The following CAMK1D variants were observed in gnomAD, a reference collection of about 807,000 sequenced individuals.
CAMK1D encodes calcium/calmodulin dependent protein kinase ID.
Under a neutral mutation model 47.7 loss-of-function variants are expected in CAMK1D, and 9 were observed. The ratio of observed to expected loss-of-function variants is 0.19; its 90% confidence interval spans 0.11 to 0.33. CAMK1D has a LOEUF of 0.33. Among genes scored for constraint, CAMK1D ranks in the 10% least tolerant of loss-of-function variants. The pLI, the probability that CAMK1D is intolerant of heterozygous loss-of-function variation, is 1.00. For synonymous variants in CAMK1D, 184 were observed against 184.9 expected (o/e 0.99, Z 0.04); for missense variants, 291 against 488.7 (o/e 0.60, Z 3.81).
rs562635049 is a variant in CAMK1D at position 12,523,773 on chromosome 10, G to A, written c.93-29452G>A. On this transcript the variant is annotated intron_variant, in intron 1 of 10. Transcript: ENST00000619168. Reference sequence around the variant, plus strand: ...AGGGAGACCGTGGGGAGAGGGAGAGGGAGAGGGAGCGGGAGAGGTATATGA... The same window carrying A: ...AGGGAGACCGTGGGGAGAGGGAGAGAGAGAGGGAGCGGGAGAGGTATATGA... Among the ~76,000 whole-genome samples, 14 of 152,250 alleles carry A rather than the reference G, an allele frequency of 9.2e-5. No individual in the cohort carries two copies. The South Asian group carries it at 2.9e-3, about 32-fold the overall frequency.
Position 12,814,310 on chromosome 10 carries a change from A to G in CAMK1D, c.754+3A>G. Reference sequence around the variant, plus strand: ...CTGGGATGACATCTCCGACTCTGGTAGGTCTCCCATAGGCAGCTCCCAGTG... The same window carrying G: ...CTGGGATGACATCTCCGACTCTGGTGGGTCTCCCATAGGCAGCTCCCAGTG... On this transcript the variant is annotated splice_donor_region_variant and intron_variant, in intron 7 of 10. Transcript: ENST00000619168. The G allele has an allele frequency of 1.3e-6, 2 of 1,595,136 alleles. No homozygotes were observed. Among genetic ancestry groups the G allele is most frequent in the South Asian group, 1.1e-5 (1 of 90,648 alleles).
At chr10:12,645,203 T>C (rs1839779791) in intron 2 of CAMK1D, among the ~76,000 whole-genome samples, 1 of 152,198 alleles carries the variant, frequency 6.6e-6, no homozygotes, top group Non-Finnish European at 1.5e-5. Context: ...GGAGCAATCA[T>C]TTATCCCCTA....
intron 1 of CAMK1D, among the ~76,000 whole-genome samples, chr10:12,525,623 T>A (rs1403431367): frequency 2.0e-5 from 3 of 152,250 alleles, no homozygotes; most frequent in Non-Finnish European, 4.4e-5. Flanking sequence ...TTCAACAGTG[T>A]TCCCACTTAC....
intron 1 of CAMK1D, among the ~76,000 whole-genome samples, chr10:12,363,809 C>T (rs914622698): frequency 1.3e-5 from 2 of 151,952 alleles, no homozygotes; most frequent in African/African-American, 4.8e-5. Flanking sequence ...GCTGGGATCA[C>T]AGGTGTGTGC....
At chr10:12,555,437 T>G (rs1836730051) in intron 2 of CAMK1D, among the ~76,000 whole-genome samples, 2 of 152,230 alleles carry the variant, frequency 1.3e-5, no homozygotes, top group Non-Finnish European at 2.9e-5. Context: ...TTTGGTCGTT[T>G]CTAGGTTCTC....
intron 2 of CAMK1D, among the ~76,000 whole-genome samples, chr10:12,582,312 A>G (rs548942749): frequency 6.6e-6 from 1 of 152,322 alleles, no homozygotes; most frequent in South Asian, 2.1e-4. Flanking sequence ...GTTTGAAGTC[A>G]GATAAAATGA....
At chr10:12,797,707 C>A (rs866250753) in intron 6 of CAMK1D, among the ~76,000 whole-genome samples, 6 of 152,214 alleles carry the variant, frequency 3.9e-5, no homozygotes, top group Middle Eastern at 3.4e-3. Flanking sequence ...TCAGAAAGGA[C>A]CTCGTCTCCC....
At chr10:12,524,876 G>A (rs1248570084) in intron 1 of CAMK1D, among the ~76,000 whole-genome samples, 2 of 152,078 alleles carry the variant, frequency 1.3e-5, no homozygotes, top group African/African-American at 4.8e-5. Flanking sequence ...CCTTCCACCT[G>A]AAGCATTTCC....
At position 12,380,340 on chromosome 10, in the gene CAMK1D, A is replaced by G. The variant is rs555693468; in HGVS notation, c.92+30430A>G. Among the ~76,000 whole-genome samples the G allele has an allele frequency of 2.5e-3, 379 of 152,360 alleles. 1 individual carries two copies. The highest frequency in any genetic ancestry group is 3.4e-3 in the Non-Finnish European group (231 of 68,036). On this transcript the variant is annotated intron_variant, in intron 1 of 10. Transcript: ENST00000619168. ...CTTCCAATTAAAAGGATCAATGATT[A>G]TAAATATGAGAGTAAAGGTTTTTAA... is the stretch of plus-strand genomic sequence containing the variant.
intron 5 of CAMK1D, among the ~76,000 whole-genome samples, chr10:12,780,080 G>C (rs1837426704): frequency 6.6e-6 from 1 of 152,096 alleles, no homozygotes; most frequent in South Asian, 2.1e-4. Context: ...TCTAAAAGGA[G>C]ATGGAGAACA....
intron 2 of CAMK1D, among the ~76,000 whole-genome samples, chr10:12,560,890 T>G (rs925371842): frequency 3.1e-4 from 47 of 151,674 alleles, no homozygotes; most frequent in Non-Finnish European, 6.5e-4. Context: ...GAAACCATAT[T>G]GAAAGTTACC....
In CAMK1D at chr10:12,666,755, G is replaced by A. The variant is rs1163658647; in HGVS notation, c.244G>A (p.Val82Ile). 13 of 1,612,502 alleles carry A rather than the reference G, an allele frequency of 8.1e-6. No homozygotes were observed. Among genetic ancestry groups the A allele is most frequent in the Non-Finnish European group, 1.1e-5 (13 of 1,179,110 alleles). ...VLRKIKHENIVALEDIYESPN... is the reference protein window; with the variant it reads ...VLRKIKHENIIALEDIYESPN... ...TTTCAGGATTAAGCATGAAAATATT[G>A]TTGCCCTGGAAGACATTTATGAAAG... The change falls in exon 3 of 11, where the codon GTT becomes ATT. Residue 82 changes from valine (V) to isoleucine (I), a missense_variant. Physicochemically the swap from Val to Ile is conservative, Grantham distance 29. This residue lies in a region of CAMK1D where 219 missense variants were observed against 424.3 expected (regional missense o/e 0.52). Coordinates refer to ENST00000619168, the MANE Select transcript of CAMK1D (RefSeq NM_153498.4).
chr10:12,787,692 TC>T (rs1837792442), intron 5 of CAMK1D, among the ~76,000 whole-genome samples: 1 of 152,182 alleles, frequency 6.6e-6, no homozygotes, highest in Non-Finnish European at 1.5e-5. Flanking sequence ...CGCGTTTGTT[TC>T]CAAGCACAAT....
chr10:12,663,943 T>C (rs559676636), intron 2 of CAMK1D, among the ~76,000 whole-genome samples: 8 of 152,296 alleles, frequency 5.3e-5, no homozygotes, highest in Middle Eastern at 6.8e-3. Context: ...TAACCATGTT[T>C]GAACAGCTCC....
intron 2 of CAMK1D, among the ~76,000 whole-genome samples, chr10:12,605,748 C>G (rs1838440220): frequency 6.6e-6 from 1 of 152,240 alleles, no homozygotes; most frequent in Admixed American, 6.5e-5. Context: ...TGCCTCAGCC[C>G]TGGGCTGTCC....
chr10:12,595,924 C>T (rs970611339), intron 2 of CAMK1D, among the ~76,000 whole-genome samples: 1 of 152,146 alleles, frequency 6.6e-6, no homozygotes, highest in African/African-American at 2.4e-5. Flanking sequence ...GCAGCTTCTG[C>T]CTTCCCTCCT....
At chr10:12,660,030 C>G (rs1465356799) in intron 2 of CAMK1D, among the ~76,000 whole-genome samples, 1 of 152,186 alleles carries the variant, frequency 6.6e-6, no homozygotes, top group Non-Finnish European at 1.5e-5. Context: ...CTCTCCCTTC[C>G]GATTGTATTT....
chr10:12,826,302 T>A (rs964993344), intron 10 of CAMK1D, among the ~76,000 whole-genome samples: 2 of 152,180 alleles, frequency 1.3e-5, no homozygotes, highest in African/African-American at 4.8e-5. Context: ...CCTCTCATTG[T>A]ACAGTCACTC....
chr10:12,685,941 C>T (rs1158805736), intron 3 of CAMK1D, among the ~76,000 whole-genome samples: 4 of 152,254 alleles, frequency 2.6e-5, no homozygotes, highest in African/African-American at 9.6e-5. Flanking sequence ...TACTTTGTTC[C>T]AGCACTTCCA....
Sources: gnomAD v4.1 joint callset for allele counts (sites outside exome capture counted in the v4.1 genomes callset) on GRCh38, gnomAD v4.1.1 for gene constraint, gnomAD v4.1.1 regional missense constraint, MANE v1.5 for transcripts, NCBI Gene and HGNC (gene_info 2026-07-23, HGNC 2026-07-21) for gene names.